The following THSD4 variants were observed in gnomAD, a reference collection of about 807,000 sequenced individuals.
THSD4 encodes the protein thrombospondin type 1 domain containing 4, also known as thrombospondin type-1 domain-containing protein 4.
Under a neutral mutation model 119.0 loss-of-function variants are expected in THSD4, and 69 were observed. The observed-to-expected ratio is 0.58, with a 90% CI of 0.48 to 0.71. THSD4 has a LOEUF of 0.71. Among genes scored for constraint, THSD4 ranks in the 30% least tolerant of loss-of-function variants. The pLI is 0.00. For missense variants in THSD4, 1,393 were observed against 1,391.1 expected, an observed-to-expected ratio of 1.00 and a Z score of -0.02; for synonymous variants, 524 against 540.4, an observed-to-expected ratio of 0.97 and a Z score of 0.42.
intron 7 of THSD4, among the ~76,000 whole-genome samples, chr15:71,639,299 G>A (rs946953921): frequency 3.3e-5 from 5 of 152,152 alleles, no homozygotes; most frequent in African/African-American, 1.2e-4. Context: ...CTGGTAGCTT[G>A]CATGGGGGCT....
At chr15:71,215,614 C>T (rs1473729255) in intron 4 of THSD4, among the ~76,000 whole-genome samples, 1 of 152,224 alleles carries the variant, frequency 6.6e-6, no homozygotes, top group Non-Finnish European at 1.5e-5. Flanking sequence ...CCACCTCACT[C>T]TGTGGTTCTG....
At chr15:71,501,390 A>AGTGTACAT (rs752640623) in intron 7 of THSD4, among the ~76,000 whole-genome samples, 1 of 152,232 alleles carries the variant, frequency 6.6e-6, no homozygotes, top group African/African-American at 2.4e-5. Flanking sequence ...TCATTCAACT[A>AGTGTACAT]GTACATGGCA....
chr15:71,154,741 C>A, intron 2 of THSD4, 122 bp from the exon 3 acceptor site: 1 of 961,116 alleles, frequency 1.0e-6, no homozygotes, highest in Non-Finnish European at 1.7e-6. Context: ...TGGGTCACAT[C>A]CCAGGGCCTG....
At chr15:71,568,448 G>A (rs763089528) in intron 7 of THSD4, among the ~76,000 whole-genome samples, 30 of 151,954 alleles carry the variant, frequency 2.0e-4, no homozygotes, top group Non-Finnish European at 3.4e-4. Context: ...CCATGATTCT[G>A]TTTTGCTGAA....
chr15:71,446,041 A>G (rs1475452197), intron 7 of THSD4, among the ~76,000 whole-genome samples: 2 of 152,210 alleles, frequency 1.3e-5, no homozygotes, highest in African/African-American at 4.8e-5. Context: ...AACTCTCCCA[A>G]AAGAAAATAA....
At chr15:71,220,453 A>C (rs934876811) in intron 4 of THSD4, among the ~76,000 whole-genome samples, 1 of 152,220 alleles carries the variant, frequency 6.6e-6, no homozygotes, top group Non-Finnish European at 1.5e-5. Flanking sequence ...CGAGCTTAGG[A>C]CAATTAAACT....
intron 13 of THSD4, among the ~76,000 whole-genome samples, chr15:71,747,562 G>A (rs1358186186): frequency 1.3e-5 from 2 of 152,236 alleles, no homozygotes; most frequent in African/African-American, 2.4e-5. Flanking sequence ...AGAAAGTTTA[G>A]GAGAGGAGAC....
intron 7 of THSD4, among the ~76,000 whole-genome samples, chr15:71,562,860 G>C (rs2049152098): frequency 6.6e-6 from 1 of 152,034 alleles, no homozygotes; most frequent in African/African-American, 2.4e-5. Context: ...GTGCCACCAT[G>C]CTCGGCTAAT....
At position 71,644,941 on chromosome 15, in the gene THSD4, G is replaced by T. The variant is rs374168744; in HGVS notation, c.1153-15589G>T. 6.2e-4 allele frequency among the ~76,000 whole-genome samples: 95 copies of T among 152,270 alleles called. 1 individual carries two copies. The highest frequency in any genetic ancestry group is 1.3e-3 in the Non-Finnish European group (87 of 68,022). Reference sequence around the variant, plus strand: ...GGTTCAAAATGAACATTATACTGCAGCTCCTAGTAAGTTATGGATTTATAG... The same window carrying T: ...GGTTCAAAATGAACATTATACTGCATCTCCTAGTAAGTTATGGATTTATAG... On this transcript the variant is annotated intron_variant, in intron 7 of 17. Transcript: ENST00000261862.
intron 7 of THSD4, among the ~76,000 whole-genome samples, chr15:71,602,627 A>C (rs2050036007): frequency 6.6e-6 from 1 of 151,694 alleles, no homozygotes; most frequent in Admixed American, 6.6e-5. Flanking sequence ...CTATAAGGTA[A>C]ATGTTACGTT....
At chr15:71,214,973 A>C in intron 3 of THSD4, 62 bp from the exon 4 acceptor site, 2 of 1,223,516 alleles carry the variant, frequency 1.6e-6, no homozygotes, top group Non-Finnish European at 2.1e-6. Flanking sequence ...ACCCTGCTCA[A>C]AGCTTTTCGG....
chr15:71,394,551 G>A (rs954230352), intron 6 of THSD4, among the ~76,000 whole-genome samples: 19 of 152,318 alleles, frequency 1.2e-4, no homozygotes, highest in African/African-American at 4.3e-4. Context: ...GATTACAGGC[G>A]TGAGCCACAG....
chr15:71,332,891 C>CTTTTTTTTTTTTTTT (rs1184457820), intron 6 of THSD4, among the ~76,000 whole-genome samples: 6,034 of 37,128 alleles, frequency 0.16, 604 homozygotes, highest in South Asian at 0.26. Flanking sequence ...GATTTTTTTA[C>CTTTTTTTTTTTTTTT]ATTTTTTTTT....
At chr15:71,350,832 T>C (rs2045734602) in intron 6 of THSD4, among the ~76,000 whole-genome samples, 1 of 152,174 alleles carries the variant, frequency 6.6e-6, no homozygotes, top group South Asian at 2.1e-4. Flanking sequence ...AAGTGTATCA[T>C]TCCAGGCAAA....
intron 1 of THSD4, among the ~76,000 whole-genome samples, chr15:71,101,382 A>T (rs2040252991): frequency 1.3e-5 from 2 of 152,248 alleles, no homozygotes; most frequent in African/African-American, 4.8e-5. Flanking sequence ...TTACGTAGTC[A>T]TCATAGTATT....
chr15:71,098,537 TACAGGTTTGAGCC>T (rs543560529), intron 1 of THSD4, among the ~76,000 whole-genome samples: 109 of 152,266 alleles, frequency 7.2e-4, no homozygotes, highest in African/African-American at 2.3e-3. Context: ...GTGCTATGAT[TACAGGTTTGAGCC>T]ACTGCACCTG....
At chr15:71,562,674 C>T (rs1012096501) in intron 7 of THSD4, among the ~76,000 whole-genome samples, 1 of 151,078 alleles carries the variant, frequency 6.6e-6, no homozygotes, top group Non-Finnish European at 1.5e-5. Context: ...TCTTCCAGAA[C>T]ACCTAAGCCT....
At chr15:71,776,006 G>C (rs2053906328) in intron 17 of THSD4, among the ~76,000 whole-genome samples, 1 of 151,940 alleles carries the variant, frequency 6.6e-6, no homozygotes, top group Non-Finnish European at 1.5e-5. Context: ...CCATATACAA[G>C]GAAAAAAACA....
At chr15:71,552,939 T>C (rs953076384) in intron 7 of THSD4, among the ~76,000 whole-genome samples, 1 of 152,174 alleles carries the variant, frequency 6.6e-6, no homozygotes, top group Non-Finnish European at 1.5e-5. Context: ...AGCCTAGCAA[T>C]TTTTTTACAT....
Sources: allele counts gnomAD v4.1 joint callset (sites outside exome capture counted in the v4.1 genomes callset), GRCh38; gene constraint gnomAD v4.1.1; transcripts MANE v1.5; gene names NCBI Gene and HGNC (gene_info 2026-07-23, HGNC 2026-07-21).